The following CAAP1 variants were observed in gnomAD, a reference collection of about 807,000 sequenced individuals.
The protein encoded by CAAP1 is conserved anti-apoptotic protein.
A neutral mutation model predicts 34.0 loss-of-function variants in CAAP1; 20 were observed. The observed-to-expected ratio is 0.59, with a 90% CI of 0.41 to 0.86. The LOEUF is 0.86. Ranked by LOEUF, CAAP1 falls within the 40% of genes least tolerant of loss-of-function variation. CAAP1 has a pLI of 0.00. For synonymous variants in CAAP1, 213 were observed against 166.7 expected (o/e 1.28, Z -2.14); for missense variants, 538 against 450.5 (o/e 1.19, Z -1.76).
intron 5 of CAAP1, among the ~76,000 whole-genome samples, chr9:26,849,744 G>C (rs77982312): frequency 6.6e-6 from 1 of 151,820 alleles, no homozygotes; most frequent in Non-Finnish European, 1.5e-5. Flanking sequence ...AGTACTAGCA[G>C]TGCCTTTGTA....
At chr9:26,854,528 A>C (rs1245636904) in intron 5 of CAAP1, among the ~76,000 whole-genome samples, 1 of 152,206 alleles carries the variant, frequency 6.6e-6, no homozygotes, top group African/African-American at 2.4e-5. Context: ...ATATATTTAC[A>C]AAGTCTCACC....
chr9:26,882,614 C>T lies in CAAP1; in HGVS notation c.665+2196G>A, dbSNP rs181145039. On this transcript the variant is annotated intron_variant, in intron 4 of 5. Transcript: ENST00000333916. ...GGGAAATGTGGGGTTGAAGCCTCCA[C>T]ACACAGTCTTCATTGGCGCACTGCC... is the stretch of plus-strand genomic sequence containing the variant. 6.6e-4 allele frequency among the ~76,000 whole-genome samples: 101 copies of T among 152,316 alleles called. 1 individual carries two copies. Among genetic ancestry groups the T allele is most frequent in the African/African-American group, 2.3e-3 (95 of 41,578 alleles).
At chr9:26,857,429 C>T (rs1020273530) in intron 5 of CAAP1, among the ~76,000 whole-genome samples, 6 of 152,116 alleles carry the variant, frequency 3.9e-5, no homozygotes, top group African/African-American at 7.2e-5. Flanking sequence ...GTAGGGAGTT[C>T]GGGACTAGCC....
chr9:26,869,656 C>T (rs959894178), intron 4 of CAAP1, among the ~76,000 whole-genome samples: 14 of 152,262 alleles, frequency 9.2e-5, no homozygotes, highest in African/African-American at 2.6e-4. Flanking sequence ...TAATAGTTAA[C>T]GTGTTTACAT....
Position 26,861,094 on chromosome 9 carries a change from C to T in CAAP1, c.711G>A (p.Lys237=), listed in dbSNP as rs767938374. The T allele has an allele frequency of 3.1e-6, 5 of 1,611,698 alleles. No individual in the cohort carries two copies. In the African/African-American group the frequency reaches 4.0e-5, roughly 13 times the overall value. Residue 237 remains lysine (K), a synonymous_variant, in exon 5 of 6, where the codon AAG becomes AAA. Coordinates refer to ENST00000333916, the MANE Select transcript of CAAP1 (RefSeq NM_024828.4). ...IDSASSVREN[K]QPEGLELKQG... ...GTTTTAATTCCAAACCTTCAGGTTG[C>T]TTATTCTCTCTCACGGATGAAGCAG... is the stretch of plus-strand genomic sequence containing the variant.
intron 4 of CAAP1, chr9:26,870,039 C>A: frequency 2.5e-3 from 685 of 277,118 alleles, no homozygotes; most frequent in Non-Finnish European, 3.3e-3. Flanking sequence ...GAAAGAATAA[C>A]TTTTTTTTTT....
At chr9:26,880,912 G>C (rs968765289) in intron 4 of CAAP1, among the ~76,000 whole-genome samples, 2 of 152,180 alleles carry the variant, frequency 1.3e-5, no homozygotes, top group African/African-American at 4.8e-5. Flanking sequence ...CTGACCTCAA[G>C]TGATCCAACC....
chr9:26,854,577 C>T (rs1049424996), intron 5 of CAAP1, among the ~76,000 whole-genome samples: 1 of 152,088 alleles, frequency 6.6e-6, no homozygotes, highest in Non-Finnish European at 1.5e-5. Flanking sequence ...CACCTAGAGT[C>T]TGTGTATTAA....
intron 1 of CAAP1, 32 bp from the exon 2 acceptor site, chr9:26,887,545 A>C (rs754434039): frequency 7.8e-7 from 1 of 1,275,356 alleles, no homozygotes; most frequent in Non-Finnish European, 1.1e-6. Flanking sequence ...ACCATTAAAC[A>C]ATACTACTTA....
chr9:26,884,695 C>A (rs1823685305), intron 4 of CAAP1, 115 bp downstream of exon 4: 3 of 791,548 alleles, frequency 3.8e-6, no homozygotes, highest in Non-Finnish European at 6.4e-6. Context: ...TCTTTCTATA[C>A]CACTGAATGA....
At chr9:26,861,602 T>C (rs1823002835) in intron 4 of CAAP1, among the ~76,000 whole-genome samples, 1 of 152,142 alleles carries the variant, frequency 6.6e-6, no homozygotes, top group African/African-American at 2.4e-5. Flanking sequence ...GTAATATACA[T>C]ATGTAATCAA....
At chr9:26,865,143 T>C (rs1469630715) in intron 4 of CAAP1, among the ~76,000 whole-genome samples, 1 of 152,208 alleles carries the variant, frequency 6.6e-6, no homozygotes, top group African/African-American at 2.4e-5. Context: ...TTCAAATATA[T>C]ATGTTTTCTC....
At chr9:26,870,547 TACACACAC>T (rs141036873) in intron 4 of CAAP1, among the ~76,000 whole-genome samples, 8 of 140,346 alleles carry the variant, frequency 5.7e-5, no homozygotes, top group Admixed American at 1.4e-4. Context: ...TATAGACACA[TACACACAC>T]ACACACACAC....
rs1279608372 is a variant in CAAP1, at chr9:26,880,469, G to C, written c.665+4341C>G. ...CCACTCCAGGAGAGGGTGCACTCTTGTAAGCAGCCTTTGTAGTCAGTTGCT... is the reference window on the plus strand; with the variant it reads ...CCACTCCAGGAGAGGGTGCACTCTTCTAAGCAGCCTTTGTAGTCAGTTGCT... On this transcript the variant is annotated intron_variant, in intron 4 of 5. Coordinates refer to ENST00000333916, the MANE Select transcript of CAAP1 (RefSeq NM_024828.4). 5 of 196,702 alleles carry C rather than the reference G, an allele frequency of 2.5e-5. No homozygotes were observed. The East Asian group carries it at 6.1e-4, about 24-fold the overall frequency. 12.2% of individuals were successfully genotyped at this position (196,702 alleles called of 1,614,324 possible).
chr9:26,867,149 T>G (rs1024949242), intron 4 of CAAP1, among the ~76,000 whole-genome samples: 1 of 152,138 alleles, frequency 6.6e-6, no homozygotes, highest in East Asian at 1.9e-4. Context: ...GGTATCATCC[T>G]CCCCACATAT....
chr9:26,849,841 A>ATT (rs758588539), intron 5 of CAAP1, among the ~76,000 whole-genome samples: 6 of 143,748 alleles, frequency 4.2e-5, no homozygotes, highest in Admixed American at 1.4e-4. Context: ...TAGTAAAACA[A>ATT]TTTTTTTTTT....
intron 4 of CAAP1, among the ~76,000 whole-genome samples, chr9:26,872,623 C>A (rs1318533443): frequency 1.3e-5 from 2 of 150,616 alleles, no homozygotes; most frequent in Non-Finnish European, 2.9e-5. Flanking sequence ...GTGGCACAAT[C>A]AAAGCTCACT....
chr9:26,856,537 G>C (rs1822873806), intron 5 of CAAP1, among the ~76,000 whole-genome samples: 1 of 152,172 alleles, frequency 6.6e-6, no homozygotes, highest in African/African-American at 2.4e-5. Flanking sequence ...CAGCTAGAAA[G>C]GAACTAGAAG....
chr9:26,867,982 G>A (rs941463991), intron 4 of CAAP1, among the ~76,000 whole-genome samples: 2 of 152,164 alleles, frequency 1.3e-5, no homozygotes, highest in African/African-American at 4.8e-5. Context: ...GGAGGATGGG[G>A]TGAGATCAGA....
Sources: gnomAD v4.1 joint callset for allele counts (sites outside exome capture counted in the v4.1 genomes callset) on GRCh38, gnomAD v4.1.1 for gene constraint, MANE v1.5 for transcripts, NCBI Gene and HGNC (gene_info 2026-07-23, HGNC 2026-07-21) for gene names.